The following PKP4 variants were observed in gnomAD, a reference collection of about 807,000 sequenced individuals.
PKP4 encodes plakophilin 4.
PKP4 carries 90 observed loss-of-function variants against 145.1 expected under a neutral mutation model. The observed-to-expected ratio is 0.62, with a 90% confidence interval of 0.52 to 0.74. The LOEUF (loss-of-function observed/expected upper bound fraction) is 0.74. PKP4 is among the 30% of genes least tolerant of loss of function. PKP4 has a pLI of 0.00. For synonymous variants in PKP4, 563 were observed against 577.2 expected, an observed-to-expected ratio of 0.98 and a Z score of 0.35; for missense variants, 1,340 against 1,482.7, an observed-to-expected ratio of 0.90 and a Z score of 1.58.
rs778910638 is a variant in PKP4, at chr2:158,658,251, A to T, written c.2030A>T (p.Asp677Val). 4 of 1,606,566 alleles carry T rather than the reference A, an allele frequency of 2.5e-6. No individual in the cohort carries two copies. The South Asian group carries it at 3.3e-5, about 13-fold the overall frequency. Residue 677 changes from aspartate to valine, a missense_variant, in exon 12 of 22, where the codon GAT (aspartate) becomes GTT (valine). Coordinates refer to ENST00000389759, the MANE Select transcript of PKP4 (RefSeq NM_003628.6). ...PHSGWNNSSF[D>V]DDHKIKFQTS... ...TCTGGATGGAATAACTCTTCTTTTGATGATGATCATAAAATTAAATTTCAG... is the reference window on the plus strand; with the variant it reads ...TCTGGATGGAATAACTCTTCTTTTGTTGATGATCATAAAATTAAATTTCAG...
At chr2:158,520,661 G>A (rs1327756745) in intron 1 of PKP4, among the ~76,000 whole-genome samples, 6 of 152,150 alleles carry the variant, frequency 3.9e-5, no homozygotes, top group South Asian at 2.1e-4. Context: ...CGCCCATGTC[G>A]GGCTAGCACT....
intron 17 of PKP4, among the ~76,000 whole-genome samples, chr2:158,672,882 G>A (rs1339262051): frequency 1.3e-5 from 2 of 152,128 alleles, no homozygotes; most frequent in African/African-American, 2.4e-5. Context: ...ATTTTAGATC[G>A]GGTATATACA....
At chr2:158,521,559 T>G (rs989376757) in intron 1 of PKP4, among the ~76,000 whole-genome samples, 1 of 152,234 alleles carries the variant, frequency 6.6e-6, no homozygotes, top group Middle Eastern at 3.2e-3. Context: ...ACCGCCTGAT[T>G]AGAAGGTTAG....
chr2:158,600,440 A>C (rs541661984), intron 3 of PKP4, among the ~76,000 whole-genome samples: 1 of 152,346 alleles, frequency 6.6e-6, no homozygotes, highest in East Asian at 1.9e-4. Context: ...CATTCAATAA[A>C]AGTTGAGGAA....
intron 1 of PKP4, among the ~76,000 whole-genome samples, chr2:158,472,061 TAG>T (rs1473324989): frequency 6.6e-6 from 1 of 152,184 alleles, no homozygotes; most frequent in East Asian, 1.9e-4. Context: ...TATAATTAGT[TAG>T]ATTGAAAGAA....
intron 3 of PKP4, among the ~76,000 whole-genome samples, chr2:158,601,492 A>C (rs1179313198): frequency 6.6e-6 from 1 of 152,192 alleles, no homozygotes; most frequent in African/African-American, 2.4e-5. Context: ...GTGCAGAACC[A>C]CTTTTGGAGT....
intron 11 of PKP4, among the ~76,000 whole-genome samples, chr2:158,648,518 T>A (rs1211686613): frequency 6.6e-6 from 1 of 152,230 alleles, no homozygotes; most frequent in Non-Finnish European, 1.5e-5. Context: ...TTACGAAGCA[T>A]GTCCCCTTAG....
At chr2:158,458,785 A>T (rs1460787858) in intron 1 of PKP4, among the ~76,000 whole-genome samples, 1 of 152,196 alleles carries the variant, frequency 6.6e-6, no homozygotes, top group African/African-American at 2.4e-5. Flanking sequence ...TCGGTCAGCG[A>T]TGGGACAGAT....
At chr2:158,654,915 T>C (rs934015220) in intron 11 of PKP4, among the ~76,000 whole-genome samples, 1 of 152,186 alleles carries the variant, frequency 6.6e-6, no homozygotes, top group Admixed American at 6.5e-5. Context: ...AACATATATA[T>C]AAAAGGATGG....
Position 158,498,142 on chromosome 2 carries a change from T to A in PKP4, c.-5-35038T>A, listed in dbSNP as rs537667129. Among the ~76,000 whole-genome samples, 64 of 152,238 alleles carry A rather than the reference T, an allele frequency of 4.2e-4. No homozygotes were observed. The South Asian group carries it at 4.4e-3, about 10-fold the overall frequency. The stretch of plus-strand genomic sequence containing the variant: ...TTAAATTGTGCAGCTTTTGACACAT[T>A]TTTATTTTTTGTTATTTTTATTTTT... On this transcript the variant is annotated intron_variant, in intron 1 of 21. Transcript: ENST00000389759.
At chr2:158,654,406 C>G (rs954247731) in intron 11 of PKP4, among the ~76,000 whole-genome samples, 1 of 152,104 alleles carries the variant, frequency 6.6e-6, no homozygotes, top group African/African-American at 2.4e-5. Flanking sequence ...GTGTTATGAT[C>G]AATAAGTCAT....
intron 1 of PKP4, among the ~76,000 whole-genome samples, chr2:158,496,775 T>A (rs952504557): frequency 4.7e-5 from 7 of 148,722 alleles, no homozygotes; most frequent in African/African-American, 1.7e-4. Flanking sequence ...TGTGTGTGTG[T>A]GTGTGTGTGT....
intron 2 of PKP4, chr2:158,549,263 A>C (rs2045371066): frequency 6.5e-6 from 1 of 154,528 alleles, no homozygotes; most frequent in Admixed American, 6.5e-5. Context: ...AAAATAACAA[A>C]AATTCTCCTT....
chr2:158,478,254 T>C (rs1692801745), intron 1 of PKP4, among the ~76,000 whole-genome samples: 1 of 152,054 alleles, frequency 6.6e-6, no homozygotes, highest in African/African-American at 2.4e-5. Context: ...AAATTACTTC[T>C]GAACCTTAAA....
chr2:158,628,864 C>T (rs1346771901), intron 7 of PKP4, among the ~76,000 whole-genome samples: 2 of 152,138 alleles, frequency 1.3e-5, no homozygotes, highest in South Asian at 2.1e-4. Flanking sequence ...CAGAAGCATC[C>T]AGTCTTCGGC....
chr2:158,608,439 T>G (rs762389079), intron 4 of PKP4, among the ~76,000 whole-genome samples: 3 of 152,330 alleles, frequency 2.0e-5, no homozygotes, highest in Non-Finnish European at 4.4e-5. Context: ...AGGCAGATAC[T>G]AATTCAGTGG....
chr2:158,653,762 G>C (rs2055626093), intron 11 of PKP4, among the ~76,000 whole-genome samples: 1 of 152,210 alleles, frequency 6.6e-6, no homozygotes, highest in African/African-American at 2.4e-5. Flanking sequence ...AGCAAATTTT[G>C]CATTAGGATG....
At chr2:158,620,806 A>G (rs966974814) in intron 4 of PKP4, among the ~76,000 whole-genome samples, 184 bp from the exon 5 acceptor site, 4 of 152,348 alleles carry the variant, frequency 2.6e-5, no homozygotes, top group African/African-American at 9.6e-5. Context: ...AAATATATTA[A>G]TGAAGTATAA....
intron 1 of PKP4, among the ~76,000 whole-genome samples, chr2:158,479,711 TATATTCTGTCATTG>T (rs1693048705): frequency 6.6e-6 from 1 of 152,242 alleles, no homozygotes; most frequent in Non-Finnish European, 1.5e-5. Flanking sequence ...AAAAAAGCTT[TATATTCTGTCATTG>T]ATGGCAGGTG....
Sources: gnomAD v4.1 joint callset for allele counts (sites outside exome capture counted in the v4.1 genomes callset) on GRCh38, gnomAD v4.1.1 for gene constraint, MANE v1.5 for transcripts, NCBI Gene and HGNC (gene_info 2026-07-23, HGNC 2026-07-21) for gene names.